The following CABYR variants were observed in gnomAD, a reference collection of about 807,000 sequenced individuals.
CABYR encodes calcium-binding tyrosine phosphorylation-regulated protein.
Under a neutral mutation model 36.1 loss-of-function variants are expected in CABYR, and 31 were observed. The observed-to-expected ratio is 0.86, with a 90% CI of 0.64 to 1.16. CABYR has a LOEUF of 1.16. CABYR is among the 50% of genes most tolerant of loss of function. The pLI is 0.00. For missense variants in CABYR, 429 were observed against 455.8 expected, an observed-to-expected ratio of 0.94 and a Z score of 0.53; for synonymous variants, 146 against 160.7, an observed-to-expected ratio of 0.91 and a Z score of 0.69.
chr18:24,144,743 G>A (rs1335684479), intron 3 of CABYR, among the ~76,000 whole-genome samples: 1 of 152,222 alleles, frequency 6.6e-6, no homozygotes, highest in Non-Finnish European at 1.5e-5. Flanking sequence ...AGAAGGAGGA[G>A]AATCTTTAAT....
At chr18:24,153,051 G>T (rs2085680100) in intron 3 of CABYR, among the ~76,000 whole-genome samples, 1 of 152,192 alleles carries the variant, frequency 6.6e-6, no homozygotes, top group African/African-American at 2.4e-5. Context: ...CAGCATCTGT[G>T]CTTCCCCCTC....
chr18:24,143,227 C>T lies in CABYR; in HGVS notation c.113C>T (p.Ala38Val), dbSNP rs1568456589. 6.2e-7 allele frequency: 1 copy of T among 1,613,888 alleles called. No homozygotes were observed. Among genetic ancestry groups the T allele is most frequent in the Non-Finnish European group, 8.5e-7 (1 of 1,179,944 alleles). ...CCATCAAACATCAACCAGTTTGCAGCAGCTTATTTTCAAGAACTTACTATG... is the reference window on the plus strand; with the variant it reads ...CCATCAAACATCAACCAGTTTGCAGTAGCTTATTTTCAAGAACTTACTATG... ...TNPSNINQFA[A>V]AYFQELTMYR... Residue 38 changes from alanine (A) to valine (V), a missense_variant, in exon 2 of 6, where the codon GCA becomes GTA. Transcript: ENST00000399496.
chr18:24,158,846 C>A (rs944353642), intron 4 of CABYR, among the ~76,000 whole-genome samples: 4 of 152,106 alleles, frequency 2.6e-5, no homozygotes, highest in African/African-American at 9.7e-5. Context: ...TTTTTCTCAA[C>A]CCAAAGAATC....
chr18:24,160,585 ATCAC>A (rs1213384092), intron 5 of CABYR, among the ~76,000 whole-genome samples: 1 of 152,242 alleles, frequency 6.6e-6, no homozygotes, highest in South Asian at 2.1e-4. Context: ...AGACAGTTTG[ATCAC>A]TCACAAATCA....
intron 3 of CABYR, among the ~76,000 whole-genome samples, chr18:24,151,687 CTTTTTTTTTT>C (rs35513415): frequency 8.1e-6 from 1 of 123,942 alleles, no homozygotes; most frequent in Non-Finnish European, 1.6e-5. Context: ...CTAGTGTTGG[CTTTTTTTTTT>C]TTTTTTTTTA....
chr18:24,144,525 G>A (rs989667143), intron 3 of CABYR, among the ~76,000 whole-genome samples: 40 of 152,230 alleles, frequency 2.6e-4, no homozygotes, highest in African/African-American at 8.9e-4. Context: ...GCCTTTTGGA[G>A]GCTGAGGCGG....
intron 1 of CABYR, among the ~76,000 whole-genome samples, chr18:24,141,169 A>G (rs1434433128): frequency 1.3e-5 from 2 of 152,238 alleles, no homozygotes; most frequent in Non-Finnish European, 2.9e-5. Context: ...ATTATACTTA[A>G]TTATATACTG....
chr18:24,140,472 T>C (rs58164369), intron 1 of CABYR, among the ~76,000 whole-genome samples: 5,124 of 146,134 alleles, frequency 0.035, 207 homozygotes, highest in East Asian at 0.2. Flanking sequence ...ATGGGGCACA[T>C]GAGATGTTTT....
chr18:24,154,027 C>T (rs1332066754), intron 3 of CABYR, among the ~76,000 whole-genome samples: 1 of 124,334 alleles, frequency 8.0e-6, no homozygotes, highest in Non-Finnish European at 1.6e-5. Context: ...TGTTTGAACC[C>T]GGGAGGTAGA....
At position 24,159,504 on chromosome 18, in the gene CABYR, CCAT is replaced by C; in HGVS notation, c.575_577del (p.Pro192_Cys193delinsArg). On this transcript the variant is annotated inframe_deletion, in exon 5 of 6. Coordinates refer to ENST00000399496, the MANE Select transcript of CABYR (RefSeq NM_153769.3). ...AACAAGTGAACGAGGACAACCACCA[CCAT>C]GTTCTAACATGTGGACCCTTTATTG... 1.9e-6 allele frequency: 3 copies of C among 1,613,970 alleles called. No individual in the cohort carries two copies. The highest frequency in any genetic ancestry group is 2.5e-6 in the Non-Finnish European group (3 of 1,179,968).
At position 24,158,958 on chromosome 18, in the gene CABYR, C is replaced by T. The variant is rs148257726; in HGVS notation, c.542-514C>T. 4.1e-3 allele frequency among the ~76,000 whole-genome samples: 622 copies of T among 152,176 alleles called. 7 individuals carry two copies. Among genetic ancestry groups the T allele is most frequent in the African/African-American group, 0.014 (571 of 41,508 alleles). On this transcript the variant is annotated intron_variant, in intron 4 of 5. Coordinates refer to ENST00000399496, the MANE Select transcript of CABYR (RefSeq NM_153769.3). ...GGGTTCTCAATCCTAGATTATGTGACGTTTTATGTGTGGTAACAAATTAAT... is the reference window on the plus strand; with the variant it reads ...GGGTTCTCAATCCTAGATTATGTGATGTTTTATGTGTGGTAACAAATTAAT...
intron 3 of CABYR, among the ~76,000 whole-genome samples, chr18:24,154,496 C>T (rs1175378846): frequency 2.0e-5 from 3 of 152,134 alleles, no homozygotes; most frequent in South Asian, 2.1e-4. Context: ...GTCCATGTCC[C>T]GAATTAGAAA....
intron 4 of CABYR, chr18:24,156,543 G>A (rs2085791440): frequency 6.2e-7 from 1 of 1,614,148 alleles, no homozygotes; most frequent in Non-Finnish European, 8.5e-7. Flanking sequence ...CAAATCTGTA[G>A]TAGAAAAGAC....
At chr18:24,147,273 G>GT (rs60064466) in intron 3 of CABYR, among the ~76,000 whole-genome samples, 1 of 32,454 alleles carries the variant, frequency 3.1e-5, no homozygotes, top group Non-Finnish European at 6.9e-5. Context: ...AAAAAAAAAA[G>GT]CCTATAGGCA....
chr18:24,151,568 GATA>G (rs1449154192), intron 3 of CABYR, among the ~76,000 whole-genome samples: 5 of 151,864 alleles, frequency 3.3e-5, no homozygotes, highest in African/African-American at 1.2e-4. Flanking sequence ...TTAATAAACA[GATA>G]ATGACATGAA....
chr18:24,151,582 C>G (rs2085635125), intron 3 of CABYR, among the ~76,000 whole-genome samples: 1 of 151,854 alleles, frequency 6.6e-6, no homozygotes, highest in South Asian at 2.1e-4. Flanking sequence ...ATGACATGAA[C>G]TCAATATAGA....
At chr18:24,144,418 C>A (rs1293957318) in intron 3 of CABYR, among the ~76,000 whole-genome samples, 1 of 152,176 alleles carries the variant, frequency 6.6e-6, no homozygotes, top group African/African-American at 2.4e-5. Context: ...ACAGGTAACA[C>A]TTTCCACAAA....
At chr18:24,150,080 G>C (rs1308988665) in intron 3 of CABYR, among the ~76,000 whole-genome samples, 1 of 152,272 alleles carries the variant, frequency 6.6e-6, no homozygotes, top group Non-Finnish European at 1.5e-5. Flanking sequence ...GAGCGAGCAA[G>C]GGCTCTGAGG....
chr18:24,156,630 G>A (rs1402899586), intron 4 of CABYR: 5 of 1,614,178 alleles, frequency 3.1e-6, no homozygotes, highest in Non-Finnish European at 4.2e-6. Flanking sequence ...ATATTCCTCA[G>A]TATATATGGA....
Sources: allele counts gnomAD v4.1 joint callset (sites outside exome capture counted in the v4.1 genomes callset), GRCh38; gene constraint gnomAD v4.1.1; transcripts MANE v1.5; gene names NCBI Gene and HGNC (gene_info 2026-07-23, HGNC 2026-07-21).